Variants in SMYD1 observed in about 807,000 individuals in gnomAD.
The protein encoded by SMYD1 is histone-lysine N-methyltransferase SMYD1.
A neutral mutation model predicts 54.0 loss-of-function variants in SMYD1; 49 were observed. That is an observed-to-expected ratio of 0.91 (90% CI 0.72 to 1.15). The LOEUF is 1.15. SMYD1 is among the 50% of genes most tolerant of loss of function. SMYD1 has a pLI of 0.00. For missense variants in SMYD1, 653 were observed against 639.6 expected, an observed-to-expected ratio of 1.02 and a Z score of -0.23; for synonymous variants, 269 against 234.2, an observed-to-expected ratio of 1.15 and a Z score of -1.36.
At chr2:88,088,135 C>G in intron 3 of SMYD1, 60 bp downstream of exon 3, 1 of 1,510,660 alleles carries the variant, frequency 6.6e-7, no homozygotes, top group Non-Finnish European at 8.9e-7. Context: ...CTTCCCTCCT[C>G]CCACTTGGGG....
chr2:88,093,422 T>C (rs986920448), intron 4 of SMYD1, 95 bp from the exon 5 acceptor site: 71 of 1,432,142 alleles, frequency 5.0e-5, no homozygotes, highest in Non-Finnish European at 6.8e-5. Context: ...AAAGCTTTGA[T>C]ACTGTGACCC....
In SMYD1 at chr2:88,111,123, C is replaced by T. The variant is rs919597971; in HGVS notation, c.*611C>T. 2 of 152,300 alleles carry T rather than the reference C, an allele frequency of 1.3e-5. No individual in the cohort carries two copies. Among genetic ancestry groups the T allele is most frequent in the Non-Finnish European group, 2.9e-5 (2 of 68,108 alleles). 9.4% of individuals were successfully genotyped at this position (152,300 alleles called of 1,614,324 possible). A position where few individuals can be genotyped will look rare whatever the true frequency, so the allele number is the denominator to read the frequency against. On this transcript the variant is annotated 3_prime_UTR_variant, in exon 10 of 10. Transcript: ENST00000419482. The stretch of plus-strand genomic sequence containing the variant: ...CTGTGTTTGGGCCACGTAGGCTCTA[C>T]TCAGAGACCTGAAACCACTTCAGAA...
At chr2:88,095,742 G>A (rs1380157020) in intron 5 of SMYD1, among the ~76,000 whole-genome samples, 1 of 152,248 alleles carries the variant, frequency 6.6e-6, no homozygotes, top group Non-Finnish European at 1.5e-5. Context: ...TTCTGTAGCT[G>A]TCTGGCCTTG....
In SMYD1 at chr2:88,067,842, G is replaced by A. The variant is rs896506264; in HGVS notation, c.-23G>A. 8.1e-6 allele frequency: 13 copies of A among 1,610,428 alleles called. No homozygotes were observed. Among genetic ancestry groups the A allele is most frequent in the African/African-American group, 2.7e-5 (2 of 74,700 alleles). On this transcript the variant is annotated 5_prime_UTR_variant, in exon 1 of 10. Coordinates refer to ENST00000419482, the MANE Select transcript of SMYD1 (RefSeq NM_198274.4). The stretch of plus-strand genomic sequence containing the variant: ...CTTGGCTCAGTGTTAAATAACTGCC[G>A]CGCTGGCCTGACAGTCTCTGAGATG...
Position 88,106,420 on chromosome 2 carries a change from G to C in SMYD1, c.1077G>C (p.Glu359Asp). The change falls in exon 8 of 10, where the codon GAG (glutamate) becomes GAC (aspartate). Residue 359 changes from glutamate (E) to aspartate (D), a missense_variant. By Grantham distance (45) the Glu-to-Asp change is conservative. Coordinates refer to ENST00000419482, the MANE Select transcript of SMYD1 (RefSeq NM_198274.4). The part of the protein sequence containing the change: ...YMLRMLSIVS[E>D]VLSYLQAFEE... ...TGCGGATGCTGAGCATTGTTTCGGA[G>C]GTCCTTTCCTACCTCCAGGCCTTTG... 6.2e-7 allele frequency: 1 copy of C among 1,614,156 alleles called. No homozygotes were observed. The highest frequency in any genetic ancestry group is 8.5e-7 in the Non-Finnish European group (1 of 1,180,024).
intron 1 of SMYD1, among the ~76,000 whole-genome samples, chr2:88,079,757 G>A (rs1674146680): frequency 1.3e-5 from 2 of 152,144 alleles, no homozygotes; most frequent in Admixed American, 6.5e-5. Flanking sequence ...GGAGGCGGAG[G>A]TTGCAGTGAG....
At chr2:88,096,446 C>A in intron 5 of SMYD1, 149 bp from the exon 6 acceptor site, 1 of 712,072 alleles carries the variant, frequency 1.4e-6, no homozygotes, top group Non-Finnish European at 2.4e-6. Flanking sequence ...CTTTAGGTCA[C>A]ATTTCTCCTT....
chr2:88,073,948 C>A (rs1674002730), intron 1 of SMYD1, among the ~76,000 whole-genome samples: 1 of 152,130 alleles, frequency 6.6e-6, no homozygotes, highest in Non-Finnish European at 1.5e-5. Context: ...ATGTCTAGTT[C>A]TCCCCTCTAT....
intron 1 of SMYD1, among the ~76,000 whole-genome samples, chr2:88,081,278 T>C (rs1674185137): frequency 6.6e-6 from 1 of 152,080 alleles, no homozygotes; most frequent in African/African-American, 2.4e-5. Flanking sequence ...CAAAGTGTTA[T>C]TTTTTAACAC....
intron 6 of SMYD1, among the ~76,000 whole-genome samples, chr2:88,102,123 T>C (rs2970922): frequency 0.11 from 17,253 of 152,174 alleles, 1,065 homozygotes; most frequent in Middle Eastern, 0.18. Context: ...CATATGTCAA[T>C]TTTACAGTCA....
At chr2:88,100,692 A>G (rs1026869432) in intron 6 of SMYD1, among the ~76,000 whole-genome samples, 3 of 152,202 alleles carry the variant, frequency 2.0e-5, no homozygotes, top group Admixed American at 1.3e-4. Context: ...TGGAACAAAG[A>G]CATGATTTGA....
intron 8 of SMYD1, 36 bp from the exon 9 acceptor site, chr2:88,108,335 T>TATA: frequency 6.7e-7 from 1 of 1,503,274 alleles, no homozygotes; most frequent in Non-Finnish European, 8.9e-7. Context: ...TAAGGGTGAT[T>TATA]GGTATGATGT....
At chr2:88,106,226 A>AAAACTT in intron 7 of SMYD1, 99 bp from the exon 8 acceptor site, 1 of 1,492,716 alleles carries the variant, frequency 6.7e-7, no homozygotes, top group Admixed American at 1.9e-5. Flanking sequence ...CCCAGTCTTA[A>AAAACTT]AAAGAATGAT....
chr2:88,077,223 C>A (rs919768065), intron 1 of SMYD1, among the ~76,000 whole-genome samples: 7 of 152,196 alleles, frequency 4.6e-5, no homozygotes, highest in African/African-American at 1.7e-4. Context: ...AGGAGCTGAG[C>A]AGCAGCTGCC....
intron 2 of SMYD1, 60 bp from the exon 3 acceptor site, chr2:88,087,802 A>G (rs981534560): frequency 9.2e-6 from 13 of 1,412,610 alleles, no homozygotes; most frequent in Middle Eastern, 5.2e-4. Flanking sequence ...ACACCCAGTA[A>G]ATGTGTGTTG....
chr2:88,096,469 TG>T, intron 5 of SMYD1, 125 bp from the exon 6 acceptor site: 2 of 802,498 alleles, frequency 2.5e-6, no homozygotes, highest in South Asian at 3.4e-5. Context: ...GTGGGGTCAA[TG>T]GGAGTTTCTG....
chr2:88,112,238 CT>C lies in SMYD1; in HGVS notation c.*1731del. On this transcript the variant is annotated 3_prime_UTR_variant, in exon 10 of 10. Transcript: ENST00000419482. ...TTCATATAAAATGTCTCCCCCAAAC[CT>C]TTTTCCCTTCTTTGTCATTGTTATC... 1.5e-5 allele frequency: 10 copies of C among 681,898 alleles called. No individual in the cohort carries two copies. Among genetic ancestry groups the C allele is most frequent in the Non-Finnish European group, 2.4e-5 (9 of 371,138 alleles). The allele number at this position is 681,898 out of a possible 1,614,324, so 42.2% of individuals were successfully genotyped here.
At chr2:88,104,911 A>C (rs1045783186) in intron 7 of SMYD1, among the ~76,000 whole-genome samples, 1 of 152,184 alleles carries the variant, frequency 6.6e-6, no homozygotes, top group Admixed American at 6.5e-5. Context: ...TTTCCTCACC[A>C]GGGCCAAGGC....
At chr2:88,089,583 CTGTTTTTTTT>C (rs1674416271) in intron 3 of SMYD1, among the ~76,000 whole-genome samples, 2 of 114,992 alleles carry the variant, frequency 1.7e-5, no homozygotes, top group Non-Finnish European at 3.5e-5. Flanking sequence ...GAGCTTCTAC[CTGTTTTTTTT>C]TTTTTTTTTT....
Sources: gnomAD v4.1 joint callset for allele counts (sites outside exome capture counted in the v4.1 genomes callset) on GRCh38, gnomAD v4.1.1 for gene constraint, MANE v1.5 for transcripts, NCBI Gene and HGNC (gene_info 2026-07-23, HGNC 2026-07-21) for gene names.